STX8: variants seen among roughly 807,000 people sequenced by gnomAD.
STX8 encodes the protein syntaxin-8.
Under a neutral mutation model 37.5 loss-of-function variants are expected in STX8, and 23 were observed. That is an observed-to-expected ratio of 0.61 (90% CI 0.44 to 0.87). The LOEUF (loss-of-function observed/expected upper bound fraction) is 0.87, where lower values mean the gene tolerates loss of function less well. STX8 is among the 40% of genes least tolerant of loss of function. The pLI, the probability that STX8 is intolerant of heterozygous loss-of-function variation, is 0.00. For synonymous variants in STX8, 115 were observed against 99.1 expected (o/e 1.16, Z -0.95); for missense variants, 313 against 284.7 (o/e 1.10, Z -0.71).
At position 9,328,906 on chromosome 17, in the gene STX8, C is replaced by T. The variant is rs886826668; in HGVS notation, c.643+49646G>A. On this transcript the variant is annotated intron_variant, in intron 7 of 7. Transcript: ENST00000306357. The stretch of plus-strand genomic sequence containing the variant: ...CTCTACTAAAAGTACAAAAATTAGC[C>T]GGCTGTGGTGACAGGCACCTGTAGT... Among the ~76,000 whole-genome samples, 96 of 151,852 alleles carry T rather than the reference C, an allele frequency of 6.3e-4. 1 individual carries two copies. Among genetic ancestry groups the T allele is most frequent in the African/African-American group, 1.8e-3 (76 of 41,432 alleles).
chr17:9,276,484 A>G (rs978103165), intron 7 of STX8, among the ~76,000 whole-genome samples: 1 of 152,160 alleles, frequency 6.6e-6, no homozygotes, highest in Non-Finnish European at 1.5e-5. Context: ...TTCTAATTGT[A>G]AAATTTTGGG....
At chr17:9,307,694 GTA>G (rs1351906059) in intron 7 of STX8, among the ~76,000 whole-genome samples, 1 of 152,136 alleles carries the variant, frequency 6.6e-6, no homozygotes, top group Admixed American at 6.5e-5. Context: ...ATACCCCAGA[GTA>G]TGGCACTTTG....
chr17:9,408,229 A>G (rs150587269), intron 6 of STX8, among the ~76,000 whole-genome samples: 1 of 152,308 alleles, frequency 6.6e-6, no homozygotes, highest in Non-Finnish European at 1.5e-5. Context: ...TCTGGCGAAC[A>G]CCATACTGAA....
chr17:9,267,383 A>G (rs372472372), intron 7 of STX8, among the ~76,000 whole-genome samples: 19 of 152,252 alleles, frequency 1.2e-4, no homozygotes, highest in African/African-American at 4.3e-4. Context: ...CTTGCTACCA[A>G]CGTGGCATTC....
chr17:9,571,528 GGCAGAGGTT>G (rs1907688870), intron 1 of STX8, among the ~76,000 whole-genome samples: 1 of 151,050 alleles, frequency 6.6e-6, no homozygotes, highest in East Asian at 1.9e-4. Context: ...GAACCCGGGA[GGCAGAGGTT>G]GCAGTTTGCC....
At chr17:9,397,257 G>C (rs1020692828) in intron 6 of STX8, among the ~76,000 whole-genome samples, 2 of 152,122 alleles carry the variant, frequency 1.3e-5, no homozygotes, top group Non-Finnish European at 2.9e-5. Flanking sequence ...TTAGCTGGGC[G>C]TGGTGGCGGG....
At chr17:9,528,995 G>A (rs910303584) in intron 4 of STX8, among the ~76,000 whole-genome samples, 5 of 152,214 alleles carry the variant, frequency 3.3e-5, no homozygotes, top group East Asian at 3.9e-4. Flanking sequence ...TCATTACGGG[G>A]GAAATATAAA....
In STX8 at chr17:9,460,621, C is replaced by T. The variant is rs1427420421; in HGVS notation, c.541+31208G>A. On this transcript the variant is annotated intron_variant, in intron 6 of 7. Coordinates refer to ENST00000306357, the MANE Select transcript of STX8 (RefSeq NM_004853.3). ...CCGGGAGGTGGAGGTTGCAGTGAGC[C>T]GAGATCGTGCCACTGCACTCCAGCC... 5.8e-5 allele frequency among the ~76,000 whole-genome samples: 8 copies of T among 138,612 alleles called. No individual in the cohort carries two copies. In the East Asian group the frequency reaches 1.8e-3, roughly 31 times the overall value. 90.9% of individuals were successfully genotyped at this position (138,612 alleles called of 152,430 possible).
intron 4 of STX8, among the ~76,000 whole-genome samples, chr17:9,536,373 C>T (rs149585945): frequency 6.6e-6 from 1 of 152,258 alleles, no homozygotes; most frequent in South Asian, 2.1e-4. Context: ...CATCACTGGG[C>T]TGTCAATCAA....
At chr17:9,421,013 G>GCA (rs1913404507) in intron 6 of STX8, among the ~76,000 whole-genome samples, 1 of 152,100 alleles carries the variant, frequency 6.6e-6, no homozygotes, top group Admixed American at 6.5e-5. Context: ...CTGGACTATT[G>GCA]CAATAACCTC....
At chr17:9,280,480 G>A (rs1907843685) in intron 7 of STX8, among the ~76,000 whole-genome samples, 1 of 152,232 alleles carries the variant, frequency 6.6e-6, no homozygotes, top group Admixed American at 6.5e-5. Context: ...TTGAACCTGG[G>A]AGGCTGAGGT....
At chr17:9,419,989 G>A (rs114361039) in intron 6 of STX8, among the ~76,000 whole-genome samples, 1,777 of 152,242 alleles carry the variant, frequency 0.012, 36 homozygotes, top group African/African-American at 0.04. Context: ...GTGCAGTGGC[G>A]TTAAACTATC....
chr17:9,541,312 A>G (rs1292742305), intron 4 of STX8, among the ~76,000 whole-genome samples: 1 of 152,148 alleles, frequency 6.6e-6, no homozygotes, highest in Non-Finnish European at 1.5e-5. Flanking sequence ...AGGAGAATGG[A>G]GGGCAGAGGA....
intron 4 of STX8, among the ~76,000 whole-genome samples, chr17:9,510,436 A>T (rs1904987663): frequency 1.3e-5 from 2 of 152,166 alleles, no homozygotes; most frequent in Admixed American, 1.3e-4. Flanking sequence ...ATCCTATTTA[A>T]CCACAGTGGA....
chr17:9,325,338 C>T (rs1166861594), intron 7 of STX8, among the ~76,000 whole-genome samples: 1 of 152,038 alleles, frequency 6.6e-6, no homozygotes, highest in African/African-American at 2.4e-5. Flanking sequence ...TGGTGATAAA[C>T]CAAACTATTC....
intron 7 of STX8, among the ~76,000 whole-genome samples, chr17:9,260,969 G>A (rs1461448487): frequency 6.6e-6 from 1 of 152,266 alleles, no homozygotes; most frequent in African/African-American, 2.4e-5. Flanking sequence ...CTGGGGGCCA[G>A]AGGGAGCAAG....
chr17:9,374,139 C>T (rs916298056), intron 7 of STX8, among the ~76,000 whole-genome samples: 2 of 149,674 alleles, frequency 1.3e-5, no homozygotes, highest in African/African-American at 5.0e-5. Context: ...TGGAGTGCAG[C>T]GGCACGATCG....
intron 4 of STX8, among the ~76,000 whole-genome samples, chr17:9,535,424 C>CCTTTTTTTTTTTTTTTTT (rs1905992804): frequency 9.7e-5 from 5 of 51,550 alleles, no homozygotes; most frequent in African/African-American, 3.7e-4. Flanking sequence ...AGCCATCCTA[C>CCTTTTTTTTTTTTTTTTT]TTTTTTTTTT....
In STX8 at chr17:9,335,023, G is replaced by A. The variant is rs575995803; in HGVS notation, c.643+43529C>T. Among the ~76,000 whole-genome samples the A allele has an allele frequency of 1.9e-3, 284 of 152,138 alleles. 1 individual carries two copies. The highest frequency in any genetic ancestry group is 6.1e-3 in the African/African-American group (254 of 41,520). On this transcript the variant is annotated intron_variant, in intron 7 of 7. Coordinates refer to ENST00000306357, the MANE Select transcript of STX8 (RefSeq NM_004853.3). ...ACATCTATTTCCTGGTCACCGCTTC[G>A]ATCTGAGTCACCCCTGGTCACCTGC...
Sources: allele counts gnomAD v4.1 joint callset (sites outside exome capture counted in the v4.1 genomes callset), GRCh38; gene constraint gnomAD v4.1.1; transcripts MANE v1.5; gene names NCBI Gene and HGNC (gene_info 2026-07-23, HGNC 2026-07-21).